RAB35: variants seen among roughly 807,000 people sequenced by gnomAD.
RAB35 encodes the protein RAB35, member RAS oncogene family, also known as ras-related protein Rab-35.
Under a neutral mutation model 28.9 loss-of-function variants are expected in RAB35, and 4 were observed. The ratio of observed to expected loss-of-function variants is 0.14; its 90% CI spans 0.07 to 0.32. The LOEUF is 0.32. Among genes scored for constraint, RAB35 ranks in the 10% least tolerant of loss-of-function variants. The probability of loss-of-function intolerance (pLI) is 1.00; values close to 1 mark genes in which losing one functional copy is unlikely to be tolerated. For missense variants in RAB35, 128 were observed against 274.0 expected (o/e 0.47, Z 3.76); for synonymous variants, 99 against 105.1 (o/e 0.94, Z 0.35).
chr12:120,103,520 T>C lies in RAB35; in HGVS notation c.227+306A>G, dbSNP rs1875743711. 6.6e-6 allele frequency among the ~76,000 whole-genome samples: 1 copy of C among 152,142 alleles called. No individual in the cohort carries two copies. The highest frequency in any genetic ancestry group is 2.1e-4 in the South Asian group (1 of 4,818). On this transcript the variant is annotated intron_variant, in intron 3 of 5. Transcript: ENST00000229340. This position sits in a 1 kb window ranked among gnomAD's most constrained non-coding sequence, Gnocchi z 6.1. ...CCTAGCGAGGCAAATGCTATTCTGC[T>C]CTCTCTGTAAGGTGACGGCACAGTG...
Position 120,097,089 on chromosome 12 carries a change from C to T in RAB35, c.*156G>A, listed in dbSNP as rs373628032. 2.2e-5 allele frequency: 34 copies of T among 1,566,226 alleles called. No individual in the cohort carries two copies. Among genetic ancestry groups the T allele is most frequent in the Middle Eastern group, 1.7e-4 (1 of 5,988 alleles). On this transcript the variant is annotated 3_prime_UTR_variant, in exon 6 of 6. Transcript: ENST00000229340. The stretch of plus-strand genomic sequence containing the variant: ...ACACCTTCTTGGCACTCGAGGAGGG[C>T]GGGGGAGGAAGTGCCGATGGCACCT...
chr12:120,099,036 T>C lies in RAB35; in HGVS notation c.346A>G (p.Ile116Val), dbSNP rs1265271432. ...INQNCDDVCR[I>V]LVGNKNDDPE... The stretch of plus-strand genomic sequence containing the variant: ...GCCCTGAGTGCAGCCTCACCTAATA[T>C]TCGGCACACATCATCACAGTTCTGG... The change falls in exon 4 of 6, where the codon ATA (isoleucine) becomes GTA (valine). Residue 116 changes from isoleucine to valine, a missense_variant. Coordinates refer to ENST00000229340, the MANE Select transcript of RAB35 (RefSeq NM_006861.7). 4 of 1,612,856 alleles carry C rather than the reference T, an allele frequency of 2.5e-6. No individual in the cohort carries two copies.
intron 1 of RAB35, among the ~76,000 whole-genome samples, chr12:120,115,340 TC>T (rs1416969568): frequency 6.6e-6 from 1 of 152,176 alleles, no homozygotes; most frequent in African/African-American, 2.4e-5. Context: ...CTTGATTTGA[TC>T]CCCTTTCCTT....
At position 120,116,684 on chromosome 12, in the gene RAB35, G is replaced by A; in HGVS notation, c.-34C>T. The A allele has an allele frequency of 8.2e-7, 1 of 1,223,384 alleles. No homozygotes were observed. The highest frequency in any genetic ancestry group is 3.1e-4 in the Middle Eastern group (1 of 3,182). The allele number at this position is 1,223,384 out of a possible 1,614,324, so 75.8% of individuals were successfully genotyped here. ...GGGGCGGTGCGCGCGGGCGGGCGGGGTCGGTACTGGCCTCGCGATCCGCAG... is the reference window on the plus strand; with the variant it reads ...GGGGCGGTGCGCGCGGGCGGGCGGGATCGGTACTGGCCTCGCGATCCGCAG... On this transcript the variant is annotated 5_prime_UTR_variant, in exon 1 of 6. Coordinates refer to ENST00000229340, the MANE Select transcript of RAB35 (RefSeq NM_006861.7).
chr12:120,107,794 G>A (rs1001209611), intron 2 of RAB35, among the ~76,000 whole-genome samples: 1 of 148,236 alleles, frequency 6.7e-6, no homozygotes, highest in African/African-American at 2.5e-5. Flanking sequence ...TTGAACCCAG[G>A]AGGCAGAGGT....
intron 2 of RAB35, among the ~76,000 whole-genome samples, chr12:120,105,565 A>AGT (rs1401162535): frequency 5.3e-5 from 8 of 152,274 alleles, no homozygotes; most frequent in Admixed American, 5.2e-4. Context: ...GCTGGCATTT[A>AGT]GTGGGTGGAG....
At chr12:120,102,839 G>GA (rs1875712248) in intron 3 of RAB35, among the ~76,000 whole-genome samples, 2 of 152,168 alleles carry the variant, frequency 1.3e-5, no homozygotes, top group Non-Finnish European at 2.9e-5. Context: ...GGAGCTGCTC[G>GA]AGAGAGCCAA....
chr12:120,099,285 A>G (rs2139049138), intron 3 of RAB35, 131 bp from the exon 4 acceptor site: 1 of 1,216,098 alleles, frequency 8.2e-7, no homozygotes, highest in South Asian at 1.5e-5. Flanking sequence ...GCTCTCACTC[A>G]GCCTCGGCAG....
intron 1 of RAB35, among the ~76,000 whole-genome samples, chr12:120,113,352 A>G (rs1876197989): frequency 6.6e-6 from 1 of 151,764 alleles, no homozygotes; most frequent in East Asian, 1.9e-4. Flanking sequence ...CTCAGCCACC[A>G]CCTCACTGTA....
At chr12:120,097,762 C>G (rs976549404) in intron 5 of RAB35, among the ~76,000 whole-genome samples, 1 of 151,988 alleles carries the variant, frequency 6.6e-6, no homozygotes, top group African/African-American at 2.4e-5. Flanking sequence ...ATAAATAAGT[C>G]TGAAAAAAGG....
At chr12:120,098,306 G>A (rs566530633) in intron 5 of RAB35, among the ~76,000 whole-genome samples, 8 of 152,376 alleles carry the variant, frequency 5.3e-5, no homozygotes, top group Non-Finnish European at 1.0e-4. Context: ...TGAAGTCACC[G>A]CCCAAGGTCA....
chr12:120,095,600 CCTG>C lies in RAB35; in HGVS notation c.*1642_*1644del, dbSNP rs753152026. The stretch of plus-strand genomic sequence containing the variant: ...CCCCGCCCCCGACCAGATGAGGCTG[CCTG>C]CTGGTCAGCCCTGCAGCCCCCTCCA... On this transcript the variant is annotated 3_prime_UTR_variant, in exon 6 of 6. Transcript: ENST00000229340. 6.6e-6 allele frequency: 1 copy of C among 151,358 alleles called. No homozygotes were observed. The highest frequency in any genetic ancestry group is 1.5e-5 in the Non-Finnish European group (1 of 67,898). 9.4% of individuals were successfully genotyped at this position (151,358 alleles called of 1,614,324 possible).
At chr12:120,099,755 C>T (rs1209934043) in intron 3 of RAB35, among the ~76,000 whole-genome samples, 2 of 152,132 alleles carry the variant, frequency 1.3e-5, no homozygotes, top group African/African-American at 2.4e-5. Flanking sequence ...AAGCCATCAC[C>T]CCAAACATGC....
Position 120,096,796 on chromosome 12 carries a change from C to G in RAB35, c.*449G>C. On this transcript the variant is annotated 3_prime_UTR_variant, in exon 6 of 6. Coordinates refer to ENST00000229340, the MANE Select transcript of RAB35 (RefSeq NM_006861.7). ...GCCCACTCCACTGGCACGGGCTGGC[C>G]GCAGACGCAGCTAGAACGTGCCGCT... 1 of 1,291,210 alleles carries G rather than the reference C, an allele frequency of 7.7e-7. No homozygotes were observed. The highest frequency in any genetic ancestry group is 1.0e-6 in the Non-Finnish European group (1 of 989,784). 80.0% of individuals were successfully genotyped at this position (1,291,210 alleles called of 1,614,324 possible). A position where few individuals can be genotyped will look rare whatever the true frequency, so the allele number is the denominator to read the frequency against.
At chr12:120,101,699 A>T (rs1362356314) in intron 3 of RAB35, among the ~76,000 whole-genome samples, 12 of 151,934 alleles carry the variant, frequency 7.9e-5, no homozygotes, top group Admixed American at 7.9e-4. Context: ...CCAGAGCGGG[A>T]CTCTAAGATG....
Position 120,103,232 on chromosome 12 carries a change from C to T in RAB35, c.227+594G>A, listed in dbSNP as rs1358530822. 2.0e-5 allele frequency among the ~76,000 whole-genome samples: 3 copies of T among 152,322 alleles called. No individual in the cohort carries two copies. The highest frequency in any genetic ancestry group is 2.1e-4 in the South Asian group (1 of 4,830). On this transcript the variant is annotated intron_variant, in intron 3 of 5. Coordinates refer to ENST00000229340, the MANE Select transcript of RAB35 (RefSeq NM_006861.7). This position sits in a 1 kb window ranked among gnomAD's most constrained non-coding sequence, Gnocchi z 6.1. ...CGCTCCGAAGGACACTGCCCATCTG[C>T]GCAGGAGCCCAGCTTCCCCCCGGCC...
chr12:120,102,779 G>A (rs1179678189), intron 3 of RAB35, among the ~76,000 whole-genome samples: 4 of 152,204 alleles, frequency 2.6e-5, no homozygotes, highest in African/African-American at 9.7e-5. Flanking sequence ...GGAAGGAAGG[G>A]GGCCGCTGGC....
At chr12:120,107,866 C>CAAAA (rs57274207) in intron 2 of RAB35, among the ~76,000 whole-genome samples, 5 of 31,976 alleles carry the variant, frequency 1.6e-4, no homozygotes, top group African/African-American at 2.8e-4. Context: ...GACTCCATCT[C>CAAAA]AAAAAAAAAA....
rs377220526 is a variant in RAB35, at chr12:120,097,278, C to T, written c.573G>A (p.Thr191=). 13 of 1,613,918 alleles carry T rather than the reference C, an allele frequency of 8.1e-6. No homozygotes were observed. In the Admixed American group the frequency reaches 8.3e-5, roughly 10 times the overall value. Residue 191 remains threonine (T), a synonymous_variant, in exon 6 of 6, where the codon ACG becomes ACA. Coordinates refer to ENST00000229340, the MANE Select transcript of RAB35 (RefSeq NM_006861.7). ...AGCGTTTCTTTCGTTTACTGTTCTT[C>T]GTGAGCTTCACCACATCGTTCTGTT... ...QQQQNDVVKL[T]KNSKRKKRCC
Sources: gnomAD v4.1 joint callset for allele counts (sites outside exome capture counted in the v4.1 genomes callset) on GRCh38, gnomAD v4.1.1 for gene constraint, Gnocchi (gnomAD v3.1) non-coding constraint, MANE v1.5 for transcripts, NCBI Gene and HGNC (gene_info 2026-07-23, HGNC 2026-07-21) for gene names.